The following MSRA variants were observed in gnomAD, a reference collection of about 807,000 sequenced individuals.
MSRA encodes methionine sulfoxide reductase A, also known as mitochondrial peptide methionine sulfoxide reductase.
In MSRA, 54 loss-of-function variants were observed where a neutral mutation model predicts 31.3. That is an observed-to-expected ratio of 1.73 (90% CI 1.39 to 2.17). The LOEUF (loss-of-function observed/expected upper bound fraction) is 2.17, where lower values mean the gene tolerates loss of function less well. Ranked by LOEUF, MSRA falls within the 30% of genes most tolerant of loss-of-function variation. The pLI, the probability that MSRA is intolerant of heterozygous loss-of-function variation, is 0.00. For missense variants in MSRA, 507 were observed against 300.9 expected, an observed-to-expected ratio of 1.69 and a Z score of -5.07; for synonymous variants, 169 against 116.5, an observed-to-expected ratio of 1.45 and a Z score of -2.90.
chr8:10,249,300 G>A (rs1286331623), intron 3 of MSRA, among the ~76,000 whole-genome samples: 1 of 152,134 alleles, frequency 6.6e-6, no homozygotes, highest in East Asian at 1.9e-4. Flanking sequence ...ATATATCTCA[G>A]TCTATTGTGA....
intron 4 of MSRA, among the ~76,000 whole-genome samples, chr8:10,316,527 CCT>C (rs139421344): frequency 0.11 from 12,310 of 111,472 alleles, 794 homozygotes; most frequent in Non-Finnish European, 0.15. Context: ...TTTGATGATC[CCT>C]CTCTCTCTCT....
At chr8:10,263,888 A>T (rs1798608796) in intron 3 of MSRA, among the ~76,000 whole-genome samples, 1 of 152,234 alleles carries the variant, frequency 6.6e-6, no homozygotes. Flanking sequence ...TACAAAACTA[A>T]GATTTGGTCA....
chr8:10,342,633 G>C lies in MSRA; in HGVS notation c.543+22644G>C, dbSNP rs578141725. 2.4e-4 allele frequency among the ~76,000 whole-genome samples: 37 copies of C among 152,352 alleles called. No individual in the cohort carries two copies. In the Middle Eastern group the frequency reaches 0.017, roughly 70 times the overall value. On this transcript the variant is annotated intron_variant, in intron 5 of 5. Coordinates refer to ENST00000317173, the MANE Select transcript of MSRA (RefSeq NM_012331.5). ...GGCCGTTGTATCACTGAGCAGCACA[G>C]CTGGGGCAGGGTCTTAGGGAAGGCC...
chr8:10,065,275 C>T (rs771207186), intron 1 of MSRA, among the ~76,000 whole-genome samples: 1 of 151,978 alleles, frequency 6.6e-6, no homozygotes, highest in African/African-American at 2.4e-5. Flanking sequence ...TAGCCCCATG[C>T]AGGTTGCTGG....
At chr8:10,353,417 G>A (rs1224309102) in intron 5 of MSRA, among the ~76,000 whole-genome samples, 3 of 152,224 alleles carry the variant, frequency 2.0e-5, no homozygotes, top group Admixed American at 2.0e-4. Context: ...AGGGACCTGG[G>A]AGGGTCTGGG....
At chr8:10,195,573 C>T (rs1413494858) in intron 1 of MSRA, among the ~76,000 whole-genome samples, 1 of 152,098 alleles carries the variant, frequency 6.6e-6, no homozygotes, top group African/African-American at 2.4e-5. Flanking sequence ...TATATTATTT[C>T]CTGTAGAATC....
chr8:10,286,297 G>A (rs1799933928), intron 3 of MSRA, among the ~76,000 whole-genome samples: 1 of 152,154 alleles, frequency 6.6e-6, no homozygotes, highest in South Asian at 2.1e-4. Context: ...GAGGGACCTG[G>A]TGGGAGGTAA....
chr8:10,198,637 G>A (rs1289838499), intron 1 of MSRA, among the ~76,000 whole-genome samples: 1 of 152,122 alleles, frequency 6.6e-6, no homozygotes, highest in African/African-American at 2.4e-5. Context: ...GTTGGTTGTG[G>A]TAGTTGTGGC....
chr8:10,058,334 A>C (rs987870273), intron 1 of MSRA, among the ~76,000 whole-genome samples: 12 of 152,236 alleles, frequency 7.9e-5, no homozygotes, highest in African/African-American at 2.9e-4. Context: ...TATACAAAAT[A>C]AGTCCTGAGA....
intron 1 of MSRA, among the ~76,000 whole-genome samples, chr8:10,061,347 T>G (rs1400077400): frequency 6.6e-6 from 1 of 152,208 alleles, no homozygotes; most frequent in African/African-American, 2.4e-5. Flanking sequence ...TATCCTTATC[T>G]TCAAGGAAGC....
chr8:10,376,082 C>G (rs1805741774), intron 5 of MSRA, among the ~76,000 whole-genome samples: 1 of 152,134 alleles, frequency 6.6e-6, no homozygotes, highest in Non-Finnish European at 1.5e-5. Flanking sequence ...TTGGTTCAGC[C>G]TTCTCTTAGC....
chr8:10,213,700 T>A (rs1452227055), intron 2 of MSRA, among the ~76,000 whole-genome samples: 2 of 152,072 alleles, frequency 1.3e-5, no homozygotes, highest in African/African-American at 4.8e-5. Flanking sequence ...CCTCCCCAGG[T>A]ACCACATTTT....
chr8:10,368,605 T>C (rs750409198), intron 5 of MSRA, among the ~76,000 whole-genome samples: 5 of 152,252 alleles, frequency 3.3e-5, no homozygotes, highest in Non-Finnish European at 5.9e-5. Context: ...TTTAAAACCG[T>C]GCCTAGCCCT....
chr8:10,413,661 T>TTA (rs1554556276), intron 5 of MSRA, among the ~76,000 whole-genome samples: 2 of 137,500 alleles, frequency 1.5e-5, no homozygotes, highest in African/African-American at 2.7e-5. Flanking sequence ...AGAGAGATAT[T>TTA]AAAAAAAAAA....
At chr8:10,067,144 A>G (rs189182636) in intron 1 of MSRA, among the ~76,000 whole-genome samples, 3 of 152,190 alleles carry the variant, frequency 2.0e-5, no homozygotes, top group Non-Finnish European at 4.4e-5. Context: ...TCACTGCCTT[A>G]AAAGTCCTCT....
chr8:10,286,488 C>T (rs1451301122), intron 3 of MSRA, among the ~76,000 whole-genome samples: 1 of 152,214 alleles, frequency 6.6e-6, no homozygotes, highest in Non-Finnish European at 1.5e-5. Flanking sequence ...GATTTTGAGG[C>T]TTCCCCAGCC....
chr8:10,344,155 G>A (rs1033837499), intron 5 of MSRA, among the ~76,000 whole-genome samples: 4 of 152,196 alleles, frequency 2.6e-5, no homozygotes, highest in Non-Finnish European at 5.9e-5. Flanking sequence ...GAGGTGAGAA[G>A]ACCTGGATTC....
chr8:10,236,353 A>C (rs939827251), intron 2 of MSRA, among the ~76,000 whole-genome samples: 1 of 152,216 alleles, frequency 6.6e-6, no homozygotes, highest in Non-Finnish European at 1.5e-5. Context: ...ATAGGAAATC[A>C]ATGAGAAGGT....
intron 2 of MSRA, among the ~76,000 whole-genome samples, chr8:10,229,018 G>C (rs1811241157): frequency 6.6e-6 from 1 of 152,270 alleles, no homozygotes; most frequent in African/African-American, 2.4e-5. Flanking sequence ...GACGAAAAAA[G>C]ATCTTGATTC....
Sources: allele counts gnomAD v4.1 joint callset (sites outside exome capture counted in the v4.1 genomes callset), GRCh38; gene constraint gnomAD v4.1.1; transcripts MANE v1.5; gene names NCBI Gene and HGNC (gene_info 2026-07-23, HGNC 2026-07-21).